MADCAM1: variants seen among roughly 807,000 people sequenced by gnomAD.
The protein encoded by MADCAM1 is mucosal addressin cell adhesion molecule 1.
Under a neutral mutation model 26.1 loss-of-function variants are expected in MADCAM1, and 19 were observed. That is an observed-to-expected ratio of 0.73 (90% CI 0.51 to 1.07). The LOEUF is 1.07. Among genes scored for constraint, MADCAM1 ranks in the 50% least tolerant of loss-of-function variants. The pLI is 0.00. For synonymous variants in MADCAM1, 268 were observed against 260.9 expected (o/e 1.03, Z -0.26); for missense variants, 514 against 542.1 (o/e 0.95, Z 0.51).
chr19:501,120 T>C (rs1008358920), intron 3 of MADCAM1, among the ~76,000 whole-genome samples: 6 of 150,292 alleles, frequency 4.0e-5, no homozygotes, highest in African/African-American at 1.5e-4. Context: ...GCCTGGGAGG[T>C]TGAGGCTGCA....
Position 505,261 on chromosome 19 carries a change from A to G in MADCAM1, c.*296A>G. On this transcript the variant is annotated 3_prime_UTR_variant, in exon 5 of 5. Transcript: ENST00000215637. ...TCTCACGTCTCCCTAAAAATGCGTA[A>G]GACCAAGCTGTGCCCTGACCACCCT... 2.9e-6 allele frequency: 1 copy of G among 343,848 alleles called. No individual in the cohort carries two copies. Among genetic ancestry groups the G allele is most frequent in the Non-Finnish European group, 5.3e-6 (1 of 188,546 alleles). The allele number at this position is 343,848 out of a possible 1,614,324, so 21.3% of individuals were successfully genotyped here.
At position 505,075 on chromosome 19, in the gene MADCAM1, C is replaced by CAG. The variant is rs1978551342; in HGVS notation, c.*114_*115dup. 1 of 749,486 alleles carries CAG rather than the reference C, an allele frequency of 1.3e-6. No individual in the cohort carries two copies. Among genetic ancestry groups the CAG allele is most frequent in the East Asian group, 2.8e-5 (1 of 35,826 alleles). 46.4% of individuals were successfully genotyped at this position (749,486 alleles called of 1,614,324 possible). On this transcript the variant is annotated 3_prime_UTR_variant, in exon 5 of 5. Coordinates refer to ENST00000215637, the MANE Select transcript of MADCAM1 (RefSeq NM_130760.3). ...CTACTCAAAGTCATCCCTCTGTTCA[C>CAG]AGAGATGGATGCATGTTCTGATTGC... is the stretch of plus-strand genomic sequence containing the variant.
At position 504,999 on chromosome 19, in the gene MADCAM1, G is replaced by A; in HGVS notation, c.*34G>A. 3 of 1,502,382 alleles carry A rather than the reference G, an allele frequency of 2.0e-6. No individual in the cohort carries two copies. The highest frequency in any genetic ancestry group is 2.7e-6 in the Non-Finnish European group (3 of 1,106,348). The allele number at this position is 1,502,382 out of a possible 1,614,324, so 93.1% of individuals were successfully genotyped here. On this transcript the variant is annotated 3_prime_UTR_variant, in exon 5 of 5. Coordinates refer to ENST00000215637, the MANE Select transcript of MADCAM1 (RefSeq NM_130760.3). ...CCTTTCCCCCTGTGAAAGCAAAATA[G>A]CTTGGACCCCTTCAAGTTGAGAACT... is the stretch of plus-strand genomic sequence containing the variant.
In MADCAM1 at chr19:498,656, G is replaced by A. The variant is rs1485456398; in HGVS notation, c.498G>A (p.Pro166=). 9 of 1,456,762 alleles carry A rather than the reference G, an allele frequency of 6.2e-6. No individual in the cohort carries two copies. The African/African-American group carries it at 1.0e-4, about 16-fold the overall frequency. 90.2% of individuals were successfully genotyped at this position (1,456,762 alleles called of 1,614,324 possible). A position where few individuals can be genotyped will look rare whatever the true frequency, so the allele number is the denominator to read the frequency against. Residue 166 remains proline (P), a synonymous_variant, in exon 3 of 5, where the codon CCG becomes CCA. Coordinates refer to ENST00000215637, the MANE Select transcript of MADCAM1 (RefSeq NM_130760.3). ...TGGAGGGGGCGCAAGCCCTGGGCCCGGAGGTGCAGGAGGAGGAGGAGGAGC... is the reference window on the plus strand; with the variant it reads ...TGGAGGGGGCGCAAGCCCTGGGCCCAGAGGTGCAGGAGGAGGAGGAGGAGC... ...QELEGAQALG[P]EVQEEEEEPQ... is the part of the protein sequence containing the mutation.
intron 4 of MADCAM1, among the ~76,000 whole-genome samples, chr19:503,536 G>A (rs12463340): frequency 0.29 from 41,998 of 143,590 alleles, 7,292 homozygotes; most frequent in Admixed American, 0.39. Context: ...AGCCGAGATC[G>A]CGCCACTGCA....
chr19:496,640 A>C, intron 1 of MADCAM1, 89 bp downstream of exon 1: 1 of 367,650 alleles, frequency 2.7e-6, no homozygotes, highest in Non-Finnish European at 3.2e-6. Flanking sequence ...GAGGGGGCTC[A>C]GGAGAGAGGA....
intron 3 of MADCAM1, among the ~76,000 whole-genome samples, chr19:500,653 G>A (rs987490811): frequency 6.6e-5 from 10 of 152,034 alleles, no homozygotes; most frequent in Admixed American, 5.9e-4. Context: ...GGTGGATCAC[G>A]AGATTAGGAG....
chr19:501,807 C>T lies in MADCAM1; in HGVS notation c.806C>T (p.Ser269Phe), dbSNP rs1166652828. Residue 269 changes from serine (S) to phenylalanine (F), a missense_variant, in exon 4 of 5, where the codon TCC becomes TTC. Transcript: ENST00000215637. ...TCCCCGGAGCCTCCCGACAAGACCT[C>T]CCCGGAGCCCGCCCCCCAGCAGGGC... ...TTSPEPPDKT[S>F]PEPAPQQGST... is the part of the protein sequence containing the mutation. 6.4e-7 allele frequency: 1 copy of T among 1,562,626 alleles called. No homozygotes were observed. The highest frequency in any genetic ancestry group is 1.2e-5 in the South Asian group (1 of 85,446).
chr19:499,040 C>T, intron 3 of MADCAM1: 1 of 791,032 alleles, frequency 1.3e-6, no homozygotes, highest in South Asian at 1.5e-5. Context: ...GCCCACAGCG[C>T]TCCATGGCTC....
At chr19:502,722 G>A (rs758312061) in intron 4 of MADCAM1, among the ~76,000 whole-genome samples, 16 of 152,136 alleles carry the variant, frequency 1.1e-4, no homozygotes, top group Non-Finnish European at 1.5e-4. Flanking sequence ...CATTGTAGAC[G>A]GAACAATGGC....
At position 497,823 on chromosome 19, in the gene MADCAM1, G is replaced by A. The variant is rs1211977886; in HGVS notation, c.53-10G>A. On this transcript the variant is annotated splice_polypyrimidine_tract_variant and intron_variant, in intron 1 of 4. Coordinates refer to ENST00000215637, the MANE Select transcript of MADCAM1 (RefSeq NM_130760.3). ...TCCGCGGGGCTGAGCGAGAGCCGCG[G>A]TCGCCGCAGGCCAGTCCCTCCAGGT... 2.4e-6 allele frequency: 3 copies of A among 1,271,702 alleles called. No homozygotes were observed. The highest frequency in any genetic ancestry group is 3.0e-6 in the Non-Finnish European group (3 of 1,011,218). The allele number at this position is 1,271,702 out of a possible 1,614,324, so 78.8% of individuals were successfully genotyped here. A position where few individuals can be genotyped will look rare whatever the true frequency, so the allele number is the denominator to read the frequency against.
At chr19:504,286 C>CAA (rs1488749972) in intron 4 of MADCAM1, among the ~76,000 whole-genome samples, 4 of 108,156 alleles carry the variant, frequency 3.7e-5, no homozygotes, top group Non-Finnish European at 6.9e-5. Context: ...TTTTGAGAGA[C>CAA]AGAGTCTCAT....
intron 2 of MADCAM1, 72 bp from the exon 3 acceptor site, chr19:498,424 C>T (rs896409221): frequency 2.0e-5 from 28 of 1,392,644 alleles, no homozygotes; most frequent in African/African-American, 3.0e-5. Flanking sequence ...CAAGCCCCTC[C>T]GGGCTCCGGC....
intron 4 of MADCAM1, 39 bp downstream of exon 4, chr19:501,968 G>T: frequency 1.4e-6 from 2 of 1,454,230 alleles, no homozygotes. Flanking sequence ...GGTGGGAAGG[G>T]CTGAGAGCGA....
chr19:504,879 C>T lies in MADCAM1; in HGVS notation c.1063C>T (p.Pro355Ser). The T allele has an allele frequency of 1.2e-6, 2 of 1,612,890 alleles. No homozygotes were observed. Among genetic ancestry groups the T allele is most frequent in the Non-Finnish European group, 1.7e-6 (2 of 1,179,934 alleles). The change falls in exon 5 of 5, where the codon CCA becomes TCA. Residue 355 changes from proline to serine, a missense_variant. Coordinates refer to ENST00000215637, the MANE Select transcript of MADCAM1 (RefSeq NM_130760.3). ...GCACCTGGCTGAGGACGACACCCACCCACCAGCTTCTCTGAGGCTTCTGCC... is the reference window on the plus strand; with the variant it reads ...GCACCTGGCTGAGGACGACACCCACTCACCAGCTTCTCTGAGGCTTCTGCC... ...CRHLAEDDTHPPASLRLLPQV... is the reference protein window; with the variant it reads ...CRHLAEDDTHSPASLRLLPQV...
rs762610866 is a variant in MADCAM1, at chr19:498,582, G to C, written c.424G>C (p.Val142Leu). 3.4e-6 allele frequency: 5 copies of C among 1,482,786 alleles called. No homozygotes were observed. Among genetic ancestry groups the C allele is most frequent in the Non-Finnish European group, 4.5e-6 (5 of 1,120,892 alleles). 91.9% of individuals were successfully genotyped at this position (1,482,786 alleles called of 1,614,324 possible). A position where few individuals can be genotyped will look rare whatever the true frequency, so the allele number is the denominator to read the frequency against. The change falls in exon 3 of 5, where the codon GTG becomes CTG. Residue 142 changes from valine to leucine, a missense_variant. By Grantham distance (32) the Val-to-Leu change is conservative (BLOSUM62 1). Coordinates refer to ENST00000215637, the MANE Select transcript of MADCAM1 (RefSeq NM_130760.3). ...VACTAHKVTPVDPNALSFSLL... is the reference protein window; with the variant it reads ...VACTAHKVTPLDPNALSFSLL... ...CTGTACGGCCCACAAAGTCACGCCC[G>C]TGGACCCCAACGCGCTCTCCTTCTC...
intron 1 of MADCAM1, 59 bp from the exon 2 acceptor site, chr19:497,774 C>G (rs188740234): frequency 1.9e-6 from 2 of 1,075,926 alleles, no homozygotes; most frequent in South Asian, 8.3e-5. Flanking sequence ...GACGCAGGGC[C>G]GGTGGCGGGG....
chr19:504,850 G>C lies in MADCAM1; in HGVS notation c.1034G>C (p.Cys345Ser). The change falls in exon 5 of 5, where the codon TGC becomes TCC. Residue 345 changes from cysteine (C) to serine (S), a missense_variant. By Grantham distance (112) the Cys-to-Ser change is moderately radical. This residue lies in a region of MADCAM1 where 152 missense variants were observed against 136.7 expected (regional missense o/e 1.11). Coordinates refer to ENST00000215637, the MANE Select transcript of MADCAM1 (RefSeq NM_130760.3). Reference sequence around the variant, plus strand: ...CCCACCTATCACCTCTGGAAACGCTGCCGGCACCTGGCTGAGGACGACACC... The same window carrying C: ...CCCACCTATCACCTCTGGAAACGCTCCCGGCACCTGGCTGAGGACGACACC... ...ALPTYHLWKR[C>S]RHLAEDDTHP... The C allele has an allele frequency of 6.2e-7, 1 of 1,613,008 alleles. No homozygotes were observed. Among genetic ancestry groups the C allele is most frequent in the Non-Finnish European group, 8.5e-7 (1 of 1,179,984 alleles).
At chr19:500,876 A>G (rs1200211934) in intron 3 of MADCAM1, among the ~76,000 whole-genome samples, 1 of 151,974 alleles carries the variant, frequency 6.6e-6, no homozygotes, top group African/African-American at 2.4e-5. Context: ...TCTCAACAAC[A>G]ACAACAAATT....
Sources: gnomAD v4.1 joint callset for allele counts (sites outside exome capture counted in the v4.1 genomes callset) on GRCh38, gnomAD v4.1.1 for gene constraint, gnomAD v4.1.1 regional missense constraint, MANE v1.5 for transcripts, NCBI Gene and HGNC (gene_info 2026-07-23, HGNC 2026-07-21) for gene names.